FANCM: variants seen among roughly 807,000 people sequenced by gnomAD.
The protein encoded by FANCM is FA complementation group M, also known as Fanconi anemia group M protein.
Under a neutral mutation model 199.5 loss-of-function variants are expected in FANCM, and 140 were observed. The ratio of observed to expected loss-of-function variants is 0.70; its 90% CI spans 0.61 to 0.81. The LOEUF is 0.81. FANCM is among the 30% of genes least tolerant of loss of function. The probability of loss-of-function intolerance (pLI) is 0.00; values close to 1 mark genes in which losing one functional copy is unlikely to be tolerated. For synonymous variants in FANCM, 840 were observed against 836.8 expected (o/e 1.00, Z -0.07); for missense variants, 2,410 against 2,421.4 (o/e 1.00, Z 0.10).
At chr14:45,186,491 C>T (rs2139287895) in intron 18 of FANCM, among the ~76,000 whole-genome samples, 1 of 152,276 alleles carries the variant, frequency 6.6e-6, no homozygotes, top group African/African-American at 2.4e-5. Flanking sequence ...TCACAGATCT[C>T]ATCATTTATT....
At position 45,136,206 on chromosome 14, in the gene FANCM, G is replaced by C; in HGVS notation, c.175G>C (p.Val59Leu). 1 of 1,614,186 alleles carries C rather than the reference G, an allele frequency of 6.2e-7. No individual in the cohort carries two copies. The highest frequency in any genetic ancestry group is 2.2e-5 in the East Asian group (1 of 44,870). ...QLESDDDVLL[V>L]AAYEAERQLC... is the part of the protein sequence containing the mutation. ...GGAGTCGGACGATGATGTGTTGCTT[G>C]TCGCGGCGTACGAGGCTGAGCGGCA... Residue 59 changes from valine to leucine, a missense_variant, in exon 1 of 23, where the codon GTC becomes CTC. Transcript: ENST00000267430.
intron 19 of FANCM, 30 bp downstream of exon 19, chr14:45,187,917 T>A: frequency 9.3e-7 from 1 of 1,074,316 alleles, no homozygotes; most frequent in Non-Finnish European, 1.4e-6. Flanking sequence ...AATGGAGAAT[T>A]TCTGGATGAT....
intron 9 of FANCM, among the ~76,000 whole-genome samples, chr14:45,162,153 A>C (rs1279074754): frequency 6.6e-6 from 1 of 152,186 alleles, no homozygotes; most frequent in Admixed American, 6.5e-5. Flanking sequence ...TGGGAGGCCA[A>C]GGCAGGTGTA....
chr14:45,175,804 T>C lies in FANCM; in HGVS notation c.3050T>C (p.Leu1017Pro), dbSNP rs1313639061. ...LEYEIAKGTA[L>P]ENLLFLPCAE... Reference sequence around the variant, plus strand: ...TATGAAATTGCTAAGGGTACTGCACTTGAGAATTTGCTTTTCTTACCCTGT... The same window carrying C: ...TATGAAATTGCTAAGGGTACTGCACCTGAGAATTTGCTTTTCTTACCCTGT... The change falls in exon 14 of 23, where the codon CTT (leucine) becomes CCT (proline). Residue 1017 changes from leucine to proline, a missense_variant. Physicochemically the swap from Leu to Pro is moderately conservative, Grantham distance 98. Transcript: ENST00000267430. 1 of 1,613,768 alleles carries C rather than the reference T, an allele frequency of 6.2e-7. No individual in the cohort carries two copies. The highest frequency in any genetic ancestry group is 2.2e-5 in the East Asian group (1 of 44,878).
At position 45,135,938 on chromosome 14, in the gene FANCM, T is replaced by C; in HGVS notation, c.-94T>C. ...AGTCCCGCCTTCTCGTTCCAGAGTT[T>C]TGTGCGAAGGAAACCGATGGGGATC... On this transcript the variant is annotated 5_prime_UTR_variant, in exon 1 of 23. Transcript: ENST00000267430. 2 of 1,373,072 alleles carry C rather than the reference T, an allele frequency of 1.5e-6. No individual in the cohort carries two copies. Among genetic ancestry groups the C allele is most frequent in the Non-Finnish European group, 2.1e-6 (2 of 968,046 alleles). 85.1% of individuals were successfully genotyped at this position (1,373,072 alleles called of 1,614,324 possible).
At chr14:45,156,045 G>A (rs1302734585) in intron 8 of FANCM, among the ~76,000 whole-genome samples, 1 of 152,134 alleles carries the variant, frequency 6.6e-6, no homozygotes, top group Non-Finnish European at 1.5e-5. Flanking sequence ...CAGTAAAAGA[G>A]TAAAGTAGAT....
rs1594798699 is a variant in FANCM, at chr14:45,175,843, G to A, written c.3089G>A (p.Arg1030Gln). 3.7e-6 allele frequency: 6 copies of A among 1,613,908 alleles called. No individual in the cohort carries two copies. The African/African-American group carries it at 4.0e-5, about 11-fold the overall frequency. ...LLFLPCAEHL[R>Q]SDKCTCLLSH... ...TTCTTACCCTGTGCAGAGCATTTAC[G>A]AAGTGATAAATGCACCTGTTTGCTG... is the stretch of plus-strand genomic sequence containing the variant. Residue 1030 changes from arginine to glutamine, a missense_variant, in exon 14 of 23, where the codon CGA becomes CAA. Physicochemically the swap from Arg to Gln is conservative, Grantham distance 43. Transcript: ENST00000267430.
intron 3 of FANCM, among the ~76,000 whole-genome samples, chr14:45,146,015 C>G (rs1203097763): frequency 1.5e-5 from 2 of 130,268 alleles, no homozygotes; most frequent in African/African-American, 5.8e-5. Context: ...GCCGAGATCC[C>G]GCCACTGCAC....
rs1170764367 is a variant in FANCM at position 45,196,568 on chromosome 14, T to C, written c.5716+21T>C. 2.5e-6 allele frequency: 4 copies of C among 1,607,578 alleles called. No individual in the cohort carries two copies. In the South Asian group the frequency reaches 4.4e-5, roughly 18 times the overall value. ...AACAGGTTTGTATTTTTAAATATCT[T>C]TGTTTATAAGACTGTAAAGGAACTT... On this transcript the variant is annotated intron_variant, in intron 21 of 22. Transcript: ENST00000267430.
intron 21 of FANCM, 118 bp downstream of exon 21, chr14:45,196,665 G>C (rs1890079198): frequency 1.4e-5 from 13 of 947,240 alleles, no homozygotes; most frequent in Admixed American, 2.2e-5. Flanking sequence ...CCTGACTGGT[G>C]AATGTCATTT....
intron 22 of FANCM, 41 bp from the exon 23 acceptor site, chr14:45,199,829 A>T (rs369826425): frequency 2.1e-5 from 34 of 1,598,788 alleles, no homozygotes; most frequent in Non-Finnish European, 2.7e-5. Flanking sequence ...TATAAAAGCC[A>T]AAAGTCCTAG....
chr14:45,154,930 A>G lies in FANCM; in HGVS notation c.1309+108A>G, dbSNP rs1887075285. On this transcript the variant is annotated intron_variant, in intron 7 of 22. Transcript: ENST00000267430. Reference sequence around the variant, plus strand: ...ATGTCTACAATTATTTATATTTTGTAGCAACAGATCTGTTAAATGTGTAAA... The same window carrying G: ...ATGTCTACAATTATTTATATTTTGTGGCAACAGATCTGTTAAATGTGTAAA... 4 of 819,538 alleles carry G rather than the reference A, an allele frequency of 4.9e-6. No individual in the cohort carries two copies. The Admixed American group carries it at 8.3e-5, about 17-fold the overall frequency. The allele number at this position is 819,538 out of a possible 1,614,324, so 50.8% of individuals were successfully genotyped here.
chr14:45,155,391 T>C lies in FANCM; in HGVS notation c.1328T>C (p.Phe443Ser). Reference protein sequence around the residue: ...AIQQGDKNKKFVYSHPKLKKL... With the variant: ...AIQQGDKNKKSVYSHPKLKKL... ...GTTCCAGGAGATAAAAATAAAAAAT[T>C]TGTTTATAGTCATCCAAAGTTAAAG... Residue 443 changes from phenylalanine to serine, a missense_variant, in exon 8 of 23, where the codon TTT (phenylalanine) becomes TCT (serine). By Grantham distance (155) the Phe-to-Ser change is radical (BLOSUM62 -2). Coordinates refer to ENST00000267430, the MANE Select transcript of FANCM (RefSeq NM_020937.4). 7.1e-7 allele frequency: 1 copy of C among 1,412,344 alleles called. No homozygotes were observed. Among genetic ancestry groups the C allele is most frequent in the South Asian group, 1.2e-5 (1 of 84,974 alleles). 87.5% of individuals were successfully genotyped at this position (1,412,344 alleles called of 1,614,324 possible). A position where few individuals can be genotyped will look rare whatever the true frequency, so the allele number is the denominator to read the frequency against.
chr14:45,166,131 T>A (rs1289486265), intron 10 of FANCM, among the ~76,000 whole-genome samples: 93 of 140,124 alleles, frequency 6.6e-4, no homozygotes, highest in Non-Finnish European at 1.0e-3. Flanking sequence ...ATTTTCTTTT[T>A]AAAAAAAAAA....
rs772176794 is a variant in FANCM at position 45,176,271 on chromosome 14, G to A, written c.3517G>A (p.Val1173Ile). ...AACTGCTATTAGTGAAACGCCTCTG[G>A]TCTCTCAGTTCTTAATTTCTGATGA... ...DKTAISETPL[V>I]SQFLISDELL... Residue 1173 changes from valine to isoleucine, a missense_variant, in exon 14 of 23, where the codon GTC (valine) becomes ATC (isoleucine). Transcript: ENST00000267430. The A allele has an allele frequency of 1.2e-6, 2 of 1,613,990 alleles. No individual in the cohort carries two copies. The highest frequency in any genetic ancestry group is 1.7e-6 in the Non-Finnish European group (2 of 1,179,930).
chr14:45,190,251 T>A (rs1261163555), intron 20 of FANCM, among the ~76,000 whole-genome samples: 1 of 152,186 alleles, frequency 6.6e-6, no homozygotes. Flanking sequence ...AAAGAAATAA[T>A]AATAGGAACT....
At chr14:45,156,144 G>A (rs1887174202) in intron 8 of FANCM, among the ~76,000 whole-genome samples, 1 of 152,122 alleles carries the variant, frequency 6.6e-6, no homozygotes. Context: ...AGTGATGATG[G>A]AGATAAGGGA....
chr14:45,140,885 A>T (rs1003780456), intron 3 of FANCM, among the ~76,000 whole-genome samples, 176 bp downstream of exon 3: 20 of 152,092 alleles, frequency 1.3e-4, no homozygotes, highest in Non-Finnish European at 2.2e-4. Flanking sequence ...ACAAAAAATT[A>T]AAAAAATAGT....
chr14:45,181,968 A>G (rs1889101846), intron 16 of FANCM, among the ~76,000 whole-genome samples: 1 of 152,204 alleles, frequency 6.6e-6, no homozygotes, highest in Admixed American at 6.5e-5. Context: ...CACTTGAGCA[A>G]TTCGGCAAGC....
Sources: allele counts gnomAD v4.1 joint callset (sites outside exome capture counted in the v4.1 genomes callset), GRCh38; gene constraint gnomAD v4.1.1; transcripts MANE v1.5; gene names NCBI Gene and HGNC (gene_info 2026-07-23, HGNC 2026-07-21).